Variants in BRAP observed in about 807,000 individuals in gnomAD.
BRAP encodes BRCA1 associated protein.
A neutral mutation model predicts 73.4 loss-of-function variants in BRAP; 42 were observed. That is an observed-to-expected ratio of 0.57 (90% CI 0.45 to 0.74). The LOEUF is 0.74. Among genes scored for constraint, BRAP ranks in the 30% least tolerant of loss-of-function variants. BRAP has a pLI of 0.00. For synonymous variants in BRAP, 255 were observed against 267.4 expected, an observed-to-expected ratio of 0.95 and a Z score of 0.45; for missense variants, 593 against 751.4, an observed-to-expected ratio of 0.79 and a Z score of 2.46.
At chr12:111,667,308 G>C (rs1886982421) in intron 5 of BRAP, among the ~76,000 whole-genome samples, 2 of 152,132 alleles carry the variant, frequency 1.3e-5, no homozygotes, top group African/African-American at 4.8e-5. Flanking sequence ...GTCTGAAGCT[G>C]CCTCCAAATA....
chr12:111,644,295 C>A lies in BRAP; in HGVS notation c.1683G>T (p.Gln561His), dbSNP rs748546160. 1 of 1,614,148 alleles carries A rather than the reference C, an allele frequency of 6.2e-7. No individual in the cohort carries two copies. The highest frequency in any genetic ancestry group is 1.1e-5 in the South Asian group (1 of 91,078). ...AGGCCGAGGCCATGGCGATGTTGAT[C>A]TGTCCCTCCTGGATTTCCTGCCGGG... ...AETRQEIQEG[Q>H]INIAMASASS... is the part of the protein sequence containing the mutation. Residue 561 changes from glutamine (Q) to histidine (H), a missense_variant, in exon 12 of 12, where the codon CAG (glutamine) becomes CAT (histidine). Gln to His is a conservative substitution (Grantham distance 24). Transcript: ENST00000419234.
chr12:111,681,372 A>G (rs74325447), intron 3 of BRAP, among the ~76,000 whole-genome samples: 1 of 147,802 alleles, frequency 6.8e-6, no homozygotes, highest in Non-Finnish European at 1.5e-5. Context: ...CTCCATTTCA[A>G]AAAAAAAAAA....
intron 2 of BRAP, among the ~76,000 whole-genome samples, chr12:111,682,747 A>T (rs1010666146): frequency 6.6e-6 from 1 of 151,926 alleles, no homozygotes; most frequent in African/African-American, 2.4e-5. Flanking sequence ...CCTTGTCTCT[A>T]CTGAAAATAC....
intron 5 of BRAP, among the ~76,000 whole-genome samples, chr12:111,667,938 G>T (rs572826516): frequency 2.0e-5 from 3 of 151,942 alleles, no homozygotes; most frequent in East Asian, 2.0e-4. Context: ...GGCTGGCACG[G>T]TGGCTCACAC....
intron 4 of BRAP, among the ~76,000 whole-genome samples, chr12:111,676,533 C>T (rs1887388487): frequency 6.6e-6 from 1 of 152,200 alleles, no homozygotes; most frequent in South Asian, 2.1e-4. Context: ...CCTGCCTCAG[C>T]CTTTCAAGTG....
chr12:111,655,545 A>G lies in BRAP; in HGVS notation c.1311+21T>C, dbSNP rs1886497666. On this transcript the variant is annotated intron_variant, in intron 10 of 11. Coordinates refer to ENST00000419234, the MANE Select transcript of BRAP (RefSeq NM_006768.5). ...CCTGCCATGTGTCATTTCCGCAGTC[A>G]CCCAAACCAAACAGACTTACTTCCT... The G allele has an allele frequency of 3.8e-6, 6 of 1,591,622 alleles. No individual in the cohort carries two copies. The South Asian group carries it at 6.6e-5, about 18-fold the overall frequency.
chr12:111,655,770 T>A, intron 9 of BRAP, 115 bp from the exon 10 acceptor site: 3 of 809,444 alleles, frequency 3.7e-6, no homozygotes, highest in East Asian at 2.6e-5. Flanking sequence ...ACCAACAGAA[T>A]GTATATTTAC....
At position 111,642,972 on chromosome 12, in the gene BRAP, A is replaced by T. The variant is rs1365082063; in HGVS notation, c.*1227T>A. On this transcript the variant is annotated 3_prime_UTR_variant, in exon 12 of 12. Coordinates refer to ENST00000419234, the MANE Select transcript of BRAP (RefSeq NM_006768.5). ...GTGATCATTTGAAAACCTGTGGCTA[A>T]TTATAAAGCAAAAACTAAAACCTGT... The T allele has an allele frequency of 6.6e-6, 1 of 152,226 alleles. No homozygotes were observed. Among genetic ancestry groups the T allele is most frequent in the African/African-American group, 2.4e-5 (1 of 41,466 alleles). 9.4% of individuals were successfully genotyped at this position (152,226 alleles called of 1,614,324 possible). A position where few individuals can be genotyped will look rare whatever the true frequency, so the allele number is the denominator to read the frequency against.
intron 5 of BRAP, among the ~76,000 whole-genome samples, chr12:111,667,091 C>A (rs1198452259): frequency 6.6e-6 from 1 of 152,042 alleles, no homozygotes; most frequent in Non-Finnish European, 1.5e-5. Flanking sequence ...TGATAGTTTG[C>A]CTACATTAAA....
intron 9 of BRAP, among the ~76,000 whole-genome samples, chr12:111,656,361 A>G (rs1886533803): frequency 6.6e-6 from 1 of 152,232 alleles, no homozygotes; most frequent in Admixed American, 6.6e-5. Context: ...CCAGAGAACT[A>G]CTTGACCAAG....
Position 111,683,181 on chromosome 12 carries a change from G to A in BRAP, c.209C>T (p.Thr70Ile). The change falls in exon 2 of 12, where the codon ACA becomes ATA. Residue 70 changes from threonine (T) to isoleucine (I), a missense_variant. Physicochemically the swap from Thr to Ile is moderately conservative, Grantham distance 89. Around this residue, in one of 4 missense-constraint regions of BRAP, gnomAD observed 304 missense variants for 337.7 expected, o/e 0.90. Transcript: ENST00000419234. ...IHQHLGRREM[T>I]DVIIETMKSN... is the part of the protein sequence containing the mutation. ...CTTCATGGTCTCAATGATCACATCT[G>A]TCATTTCTCGACGGCCGAGATGCTG... 1.9e-6 allele frequency: 3 copies of A among 1,614,116 alleles called. No homozygotes were observed. The highest frequency in any genetic ancestry group is 2.5e-6 in the Non-Finnish European group (3 of 1,180,008).
chr12:111,678,652 G>A (rs150429782), intron 4 of BRAP, among the ~76,000 whole-genome samples: 2 of 149,890 alleles, frequency 1.3e-5, no homozygotes, highest in African/African-American at 2.5e-5. Context: ...GCGAGAATTC[G>A]TCTCAAAAAG....
chr12:111,680,046 C>T (rs1173139846), intron 3 of BRAP, among the ~76,000 whole-genome samples: 1 of 150,998 alleles, frequency 6.6e-6, no homozygotes, highest in Non-Finnish European at 1.5e-5. Flanking sequence ...CAACCTCTGA[C>T]TCCTGGGTTC....
In BRAP at chr12:111,665,821, C is replaced by T; in HGVS notation, c.748-34G>A. 1.9e-6 allele frequency: 3 copies of T among 1,612,732 alleles called. No individual in the cohort carries two copies. Among genetic ancestry groups the T allele is most frequent in the Non-Finnish European group, 8.5e-7 (1 of 1,178,846 alleles). On this transcript the variant is annotated intron_variant, in intron 5 of 11. Coordinates refer to ENST00000419234, the MANE Select transcript of BRAP (RefSeq NM_006768.5). This position sits in a 1 kb window ranked among gnomAD's most constrained non-coding sequence, Gnocchi z 4.3. ...AACACCTCACATAAGCCTCACTCTT[C>T]ATCTACCAGCAATACTTTATTTTTC...
chr12:111,677,639 A>G lies in BRAP; in HGVS notation c.633+1512T>C, dbSNP rs143567884. Among the ~76,000 whole-genome samples the G allele has an allele frequency of 9.8e-5, 15 of 152,320 alleles. 1 individual carries two copies. The East Asian group carries it at 2.9e-3, about 29-fold the overall frequency. On this transcript the variant is annotated intron_variant, in intron 4 of 11. Coordinates refer to ENST00000419234, the MANE Select transcript of BRAP (RefSeq NM_006768.5). Reference sequence around the variant, plus strand: ...CCATCGATAAACGTTGGATATTATCATCATTATCCTTATTATTACATGTGC... The same window carrying G: ...CCATCGATAAACGTTGGATATTATCGTCATTATCCTTATTATTACATGTGC...
chr12:111,678,421 G>C (rs566350339), intron 4 of BRAP, among the ~76,000 whole-genome samples: 1 of 151,826 alleles, frequency 6.6e-6, no homozygotes, highest in Non-Finnish European at 1.5e-5. Flanking sequence ...CACTTTGGGA[G>C]ACTGAGGCGG....
intron 3 of BRAP, among the ~76,000 whole-genome samples, chr12:111,679,862 G>A (rs971147841): frequency 2.9e-5 from 3 of 105,118 alleles, no homozygotes; most frequent in African/African-American, 1.2e-4. Context: ...GGGCCACAGA[G>A]CAAGACTCCA....
chr12:111,675,177 C>T (rs963084932), intron 4 of BRAP, among the ~76,000 whole-genome samples: 1 of 151,920 alleles, frequency 6.6e-6, no homozygotes, highest in African/African-American at 2.4e-5. Flanking sequence ...GGGAGGATAG[C>T]TTGAGCCCAG....
At position 111,672,742 on chromosome 12, in the gene BRAP, A is replaced by G. The variant is rs745450453; in HGVS notation, c.666T>C (p.Asn222=). Residue 222 remains asparagine (N), a synonymous_variant, in exon 5 of 12, where the codon AAT becomes AAC. Transcript: ENST00000419234. ...ADADSFYMTC[N]GRQFNSIEDD... The stretch of plus-strand genomic sequence containing the variant: ...CTTCTATTGAGTTGAACTGGCGGCC[A>G]TTGCATGTCATATAAAAACTATCCG... 7 of 1,613,998 alleles carry G rather than the reference A, an allele frequency of 4.3e-6. No individual in the cohort carries two copies. In the African/African-American group the frequency reaches 8.0e-5, roughly 18 times the overall value.
Sources: gnomAD v4.1 joint callset for allele counts (sites outside exome capture counted in the v4.1 genomes callset) on GRCh38, gnomAD v4.1.1 for gene constraint, gnomAD v4.1.1 regional missense constraint, Gnocchi (gnomAD v3.1) non-coding constraint, MANE v1.5 for transcripts, NCBI Gene and HGNC (gene_info 2026-07-23, HGNC 2026-07-21) for gene names.